Variants in CMSS1 observed in about 807,000 individuals in gnomAD.
The protein encoded by CMSS1 is protein CMSS1.
In CMSS1, 33 loss-of-function variants were observed where a neutral mutation model predicts 43.5. That is an observed-to-expected ratio of 0.76 (90% CI 0.57 to 1.01). CMSS1 has a LOEUF of 1.01. Ranked by LOEUF, CMSS1 falls within the 50% of genes least tolerant of loss-of-function variation. The pLI, the probability that CMSS1 is intolerant of heterozygous loss-of-function variation, is 0.00. For synonymous variants in CMSS1, 115 were observed against 117.2 expected (o/e 0.98, Z 0.12); for missense variants, 313 against 326.4 (o/e 0.96, Z 0.32).
At chr3:99,875,518 A>C (rs763831696) in intron 1 of CMSS1, among the ~76,000 whole-genome samples, 3 of 152,240 alleles carry the variant, frequency 2.0e-5, no homozygotes, top group Non-Finnish European at 2.9e-5. Flanking sequence ...CTTTTACGAC[A>C]AAATAGCGTT....
intron 1 of CMSS1, among the ~76,000 whole-genome samples, chr3:100,058,676 C>G (rs1164338165): frequency 1.3e-5 from 2 of 152,186 alleles, no homozygotes; most frequent in Admixed American, 6.5e-5. Flanking sequence ...ATTTTACACC[C>G]TCAAACCCAG....
At chr3:100,076,284 C>T (rs546143146) in intron 1 of CMSS1, among the ~76,000 whole-genome samples, 1 of 151,920 alleles carries the variant, frequency 6.6e-6, no homozygotes, top group Non-Finnish European at 1.5e-5. Context: ...TATATTTTTC[C>T]CTCTCTAAAG....
intron 1 of CMSS1, among the ~76,000 whole-genome samples, chr3:99,987,679 A>C (rs1709386126): frequency 6.6e-6 from 1 of 152,322 alleles, no homozygotes; most frequent in Admixed American, 6.5e-5. Flanking sequence ...AACATGACCC[A>C]AAGTCAGAAT....
chr3:99,905,447 T>C (rs1706583700), intron 1 of CMSS1, among the ~76,000 whole-genome samples: 1 of 152,246 alleles, frequency 6.6e-6, no homozygotes, highest in Non-Finnish European at 1.5e-5. Flanking sequence ...CAGCAATTGC[T>C]GGTCTAGTCT....
At chr3:100,162,526 C>A (rs1295833280) in intron 4 of CMSS1, 94 bp downstream of exon 4, 1 of 1,364,104 alleles carries the variant, frequency 7.3e-7, no homozygotes, top group African/African-American at 1.5e-5. Flanking sequence ...ACACATTTTC[C>A]AGCGGGCATG....
intron 1 of CMSS1, among the ~76,000 whole-genome samples, chr3:99,961,027 C>T (rs1043164664): frequency 3.9e-5 from 6 of 152,036 alleles, no homozygotes; most frequent in Admixed American, 2.0e-4. Flanking sequence ...GGAACATATT[C>T]GTTAATATTT....
In CMSS1 at chr3:99,924,198, A is replaced by G. The variant is rs775787553; in HGVS notation, c.64+106155A>G. The G allele has an allele frequency of 1.9e-6, 3 of 1,594,682 alleles. No individual in the cohort carries two copies. In the African/African-American group the frequency reaches 4.0e-5, roughly 21 times the overall value. ...ACAGTGGCCAGCTCATAGATTGCAG[A>G]ATGGGACATTGTTTGCCCAAAGCAG... On this transcript the variant is annotated intron_variant, in intron 1 of 9. Coordinates refer to ENST00000421999, the MANE Select transcript of CMSS1 (RefSeq NM_032359.4).
chr3:99,856,768 A>G (rs1943985679), intron 1 of CMSS1, among the ~76,000 whole-genome samples: 1 of 152,108 alleles, frequency 6.6e-6, no homozygotes, highest in Non-Finnish European at 1.5e-5. Flanking sequence ...TTCAGTTTTT[A>G]TTTGCAGACA....
At chr3:100,032,446 C>T (rs561282449) in intron 1 of CMSS1, among the ~76,000 whole-genome samples, 84 of 152,274 alleles carry the variant, frequency 5.5e-4, no homozygotes, top group South Asian at 3.5e-3. Flanking sequence ...ACATTTTATT[C>T]GGAATGGCAG....
At chr3:100,133,926 C>A (rs2066730052) in intron 1 of CMSS1, among the ~76,000 whole-genome samples, 1 of 152,092 alleles carries the variant, frequency 6.6e-6, no homozygotes, top group Non-Finnish European at 1.5e-5. Flanking sequence ...ATTATACCTA[C>A]CTTGAATAAT....
chr3:100,005,868 T>C lies in CMSS1; in HGVS notation c.65-141105T>C, dbSNP rs138522862. On this transcript the variant is annotated intron_variant, in intron 1 of 9. Transcript: ENST00000421999. ...AAGCTTTCTTTGGCTTCCAAGATCC[T>C]AATCCTCCAAAATGCAGCTGCTTGC... Among the ~76,000 whole-genome samples, 688 of 152,280 alleles carry C rather than the reference T, an allele frequency of 4.5e-3. 7 individuals are homozygous for C. Among genetic ancestry groups the C allele is most frequent in the African/African-American group, 0.016 (674 of 41,560 alleles).
At chr3:100,081,845 G>A (rs2065936731) in intron 1 of CMSS1, among the ~76,000 whole-genome samples, 1 of 152,142 alleles carries the variant, frequency 6.6e-6, no homozygotes, top group African/African-American at 2.4e-5. Flanking sequence ...ATTGTAGGAT[G>A]TTTAGCAGCA....
intron 2 of CMSS1, among the ~76,000 whole-genome samples, chr3:100,153,495 A>G (rs1381804869): frequency 2.0e-5 from 3 of 152,228 alleles, no homozygotes; most frequent in African/African-American, 7.2e-5. Context: ...CAAGATGTCT[A>G]CAGGTGTGGT....
chr3:100,083,909 G>A (rs1344484568), intron 1 of CMSS1, among the ~76,000 whole-genome samples: 1 of 152,016 alleles, frequency 6.6e-6, no homozygotes, highest in African/African-American at 2.4e-5. Context: ...AGTAGATTTT[G>A]GTCAGAAGTA....
intron 1 of CMSS1, among the ~76,000 whole-genome samples, chr3:100,123,616 G>C (rs1346281988): frequency 6.6e-6 from 1 of 152,190 alleles, no homozygotes; most frequent in Non-Finnish European, 1.5e-5. Flanking sequence ...GCCGTGCGCT[G>C]GGTAGACCCA....
At chr3:100,088,953 G>A (rs1277687563) in intron 1 of CMSS1, among the ~76,000 whole-genome samples, 3 of 152,012 alleles carry the variant, frequency 2.0e-5, no homozygotes, top group African/African-American at 7.3e-5. Context: ...CACTAAGTAA[G>A]TCACTGTTTG....
chr3:99,833,192 G>C (rs886667118), intron 1 of CMSS1: 3 of 1,573,314 alleles, frequency 1.9e-6, no homozygotes, highest in Non-Finnish European at 2.6e-6. Flanking sequence ...TCAACATGAA[G>C]ACTGGGATTT....
chr3:99,910,339 G>A (rs1201506022), intron 1 of CMSS1, among the ~76,000 whole-genome samples: 1 of 136,806 alleles, frequency 7.3e-6, no homozygotes, highest in Non-Finnish European at 1.7e-5. Flanking sequence ...GACTCACACT[G>A]TCGACTGATA....
intron 1 of CMSS1, among the ~76,000 whole-genome samples, chr3:100,058,018 T>G (rs1305947452): frequency 6.6e-6 from 1 of 152,250 alleles, no homozygotes; most frequent in Non-Finnish European, 1.5e-5. Flanking sequence ...TAAGTGTTTG[T>G]GTCCATTCTC....
Sources: gnomAD v4.1 joint callset for allele counts (sites outside exome capture counted in the v4.1 genomes callset) on GRCh38, gnomAD v4.1.1 for gene constraint, MANE v1.5 for transcripts, NCBI Gene and HGNC (gene_info 2026-07-23, HGNC 2026-07-21) for gene names.